The following EPS15 variants were observed in gnomAD, a reference collection of about 807,000 sequenced individuals.
EPS15 encodes the protein epidermal growth factor receptor pathway substrate 15, also known as epidermal growth factor receptor substrate 15.
A neutral mutation model predicts 113.8 loss-of-function variants in EPS15; 72 were observed. The observed-to-expected ratio is 0.63, with a 90% CI of 0.52 to 0.77. EPS15 has a LOEUF of 0.77. Ranked by LOEUF, EPS15 falls within the 30% of genes least tolerant of loss-of-function variation. EPS15 has a pLI of 0.00. For synonymous variants in EPS15, 344 were observed against 363.4 expected (o/e 0.95, Z 0.61); for missense variants, 1,048 against 1,045.8 (o/e 1.00, Z -0.03).
At chr1:51,403,991 A>G (rs1648842861) in intron 16 of EPS15, among the ~76,000 whole-genome samples, 1 of 152,214 alleles carries the variant, frequency 6.6e-6, no homozygotes, top group Non-Finnish European at 1.5e-5. Context: ...TTCTGGTTAA[A>G]AGTCCTTCAA....
chr1:51,358,134 ACT>A (rs1335977802), intron 24 of EPS15, among the ~76,000 whole-genome samples: 1 of 151,748 alleles, frequency 6.6e-6, no homozygotes, highest in Non-Finnish European at 1.5e-5. Flanking sequence ...ACATGGCAAA[ACT>A]CTGTTTTTAC....
chr1:51,423,115 GTTC>G (rs1650918755), intron 12 of EPS15: 1 of 957,912 alleles, frequency 1.0e-6, no homozygotes, highest in Admixed American at 2.9e-5. Flanking sequence ...TAGGCACAAT[GTTC>G]TTAAGATGTC....
At chr1:51,475,183 T>C (rs904193873) in intron 2 of EPS15, among the ~76,000 whole-genome samples, 2 of 152,168 alleles carry the variant, frequency 1.3e-5, no homozygotes, top group African/African-American at 2.4e-5. Flanking sequence ...TTATAATCCT[T>C]TGGGTATATA....
intron 1 of EPS15, among the ~76,000 whole-genome samples, chr1:51,496,587 T>G (rs1644327958): frequency 6.6e-6 from 1 of 152,208 alleles, no homozygotes; most frequent in Non-Finnish European, 1.5e-5. Flanking sequence ...ACATTCAAAA[T>G]CTGAAGATTC....
chr1:51,400,885 G>A lies in EPS15; in HGVS notation c.1918+33C>T, dbSNP rs568220971. ...AGCTTATTATTAAGCAGAAATGAAT[G>A]AAAGCTAAGATGAAACTCAATAAGA... On this transcript the variant is annotated intron_variant, in intron 19 of 24. Transcript: ENST00000371733. 36 of 1,476,350 alleles carry A rather than the reference G, an allele frequency of 2.4e-5. No individual in the cohort carries two copies. In the South Asian group the frequency reaches 3.7e-4, roughly 15 times the overall value. The allele number at this position is 1,476,350 out of a possible 1,614,324, so 91.5% of individuals were successfully genotyped here.
At chr1:51,494,969 G>C (rs555043291) in intron 1 of EPS15, among the ~76,000 whole-genome samples, 1 of 152,274 alleles carries the variant, frequency 6.6e-6, no homozygotes, top group Admixed American at 6.5e-5. Context: ...AATTCTTTCT[G>C]GCAAACCTAC....
At chr1:51,423,146 A>C (rs1433347522) in intron 12 of EPS15, 1 of 1,209,726 alleles carries the variant, frequency 8.3e-7, no homozygotes, top group African/African-American at 1.6e-5. Flanking sequence ...GAAAGCATAC[A>C]AATAAAGCTA....
intron 24 of EPS15, among the ~76,000 whole-genome samples, chr1:51,359,035 T>C (rs1305255519): frequency 6.6e-6 from 1 of 151,778 alleles, no homozygotes; most frequent in Non-Finnish European, 1.5e-5. Context: ...AAAACCATAC[T>C]TAAGATATTA....
intron 1 of EPS15, among the ~76,000 whole-genome samples, chr1:51,504,864 T>C (rs1329757643): frequency 1.3e-5 from 2 of 152,192 alleles, no homozygotes; most frequent in Non-Finnish European, 2.9e-5. Context: ...CTCACACCTA[T>C]AATCCCAGTG....
intron 8 of EPS15, among the ~76,000 whole-genome samples, chr1:51,454,434 C>A (rs1399047597): frequency 6.6e-6 from 1 of 152,164 alleles, no homozygotes; most frequent in East Asian, 1.9e-4. Flanking sequence ...AAACACTTAT[C>A]TTAAATAAGT....
At chr1:51,505,765 A>C (rs1644488514) in intron 1 of EPS15, among the ~76,000 whole-genome samples, 1 of 152,132 alleles carries the variant, frequency 6.6e-6, no homozygotes, top group Non-Finnish European at 1.5e-5. Context: ...AATAAAAGTA[A>C]ACAATGTTTA....
intron 21 of EPS15, among the ~76,000 whole-genome samples, chr1:51,369,080 CAGTT>C (rs1452686411): frequency 6.6e-6 from 1 of 152,136 alleles, no homozygotes; most frequent in East Asian, 1.9e-4. Context: ...GCAATAGCCT[CAGTT>C]AGGTCAGATT....
At chr1:51,415,930 C>A (rs937067440) in intron 13 of EPS15, among the ~76,000 whole-genome samples, 1 of 148,608 alleles carries the variant, frequency 6.7e-6, no homozygotes, top group Non-Finnish European at 1.5e-5. Context: ...TGCAAATATA[C>A]ATGCTAATAA....
intron 21 of EPS15, among the ~76,000 whole-genome samples, chr1:51,373,643 C>T (rs1646716069): frequency 6.6e-6 from 1 of 152,182 alleles, no homozygotes; most frequent in African/African-American, 2.4e-5. Context: ...GAGAATAGTG[C>T]ATCATGTTTT....
chr1:51,357,782 C>CTTTTTTTTTTTTTTT, intron 24 of EPS15, among the ~76,000 whole-genome samples: 1 of 149,742 alleles, frequency 6.7e-6, no homozygotes. Context: ...CTCTTGTTGC[C>CTTTTTTTTTTTTTTT]CAGGCTGGGT....
intron 1 of EPS15, among the ~76,000 whole-genome samples, chr1:51,502,456 C>G (rs1644429631): frequency 6.6e-6 from 1 of 152,066 alleles, no homozygotes; most frequent in Admixed American, 6.6e-5. Flanking sequence ...TCCACTCTTG[C>G]CACTTCTAAT....
chr1:51,496,729 T>C (rs983262937), intron 1 of EPS15, among the ~76,000 whole-genome samples: 1 of 152,218 alleles, frequency 6.6e-6, no homozygotes, highest in Non-Finnish European at 1.5e-5. Context: ...TTCTGTTACA[T>C]TTCCTTTTTT....
chr1:51,380,178 T>C (rs185404360), intron 21 of EPS15, among the ~76,000 whole-genome samples: 5 of 150,970 alleles, frequency 3.3e-5, no homozygotes, highest in Non-Finnish European at 5.9e-5. Flanking sequence ...GAGCCGAGAC[T>C]GCGTCACTGC....
At position 51,394,422 on chromosome 1, in the gene EPS15, G is replaced by C; in HGVS notation, c.2078C>G (p.Pro693Arg). The change falls in exon 21 of 25, where the codon CCT (proline) becomes CGT (arginine). Residue 693 changes from proline (P) to arginine (R), a missense_variant. Pro to Arg is a moderately radical substitution (Grantham distance 103). Coordinates refer to ENST00000371733, the MANE Select transcript of EPS15 (RefSeq NM_001981.3). The stretch of plus-strand genomic sequence containing the variant: ...AACAACTGTTCCACCAGGAGCAAAA[G>C]GATCATTGTGCTTCAACGTTTCTAC... ...TSVETLKHND[P>R]FAPGGTVVAA... is the part of the protein sequence containing the mutation. 6.2e-7 allele frequency: 1 copy of C among 1,602,780 alleles called. No individual in the cohort carries two copies. The highest frequency in any genetic ancestry group is 8.5e-7 in the Non-Finnish European group (1 of 1,172,522).
Sources: allele counts gnomAD v4.1 joint callset (sites outside exome capture counted in the v4.1 genomes callset), GRCh38; gene constraint gnomAD v4.1.1; transcripts MANE v1.5; gene names NCBI Gene and HGNC (gene_info 2026-07-23, HGNC 2026-07-21).